Variants in SYT1 observed in about 807,000 individuals in gnomAD.
SYT1 encodes the protein synaptotagmin 1, also known as synaptotagmin-1.
SYT1 carries 8 observed loss-of-function variants against 44.8 expected under a neutral mutation model. The ratio of observed to expected loss-of-function variants is 0.18; its 90% CI spans 0.10 to 0.32. The LOEUF is 0.32. Among genes scored for constraint, SYT1 ranks in the 10% least tolerant of loss-of-function variants. The probability of loss-of-function intolerance (pLI) is 1.00; values close to 1 mark genes in which losing one functional copy is unlikely to be tolerated. For synonymous variants in SYT1, 154 were observed against 188.8 expected (o/e 0.82, Z 1.51); for missense variants, 286 against 509.3 (o/e 0.56, Z 4.22).
intron 3 of SYT1, among the ~76,000 whole-genome samples, chr12:79,143,300 G>A (rs1869676637): frequency 6.6e-6 from 1 of 152,140 alleles, no homozygotes; most frequent in Non-Finnish European, 1.5e-5. Flanking sequence ...GTCTTTTGCA[G>A]CGTTTTCATG....
chr12:79,295,193 C>G (rs971248201), intron 6 of SYT1, among the ~76,000 whole-genome samples: 1 of 152,134 alleles, frequency 6.6e-6, no homozygotes, highest in South Asian at 2.1e-4. Flanking sequence ...GGATCTAAAT[C>G]AGTCTGTTGA....
At chr12:79,166,893 C>T (rs910421478) in intron 3 of SYT1, among the ~76,000 whole-genome samples, 4 of 152,002 alleles carry the variant, frequency 2.6e-5, no homozygotes, top group African/African-American at 9.7e-5. Flanking sequence ...TTTAATTCCT[C>T]TGTGTCATAC....
chr12:78,976,079 A>G (rs1868810200), intron 1 of SYT1, among the ~76,000 whole-genome samples: 1 of 152,180 alleles, frequency 6.6e-6, no homozygotes, highest in Admixed American at 6.5e-5. Context: ...TGAGGACTGG[A>G]AGAATCTTTC....
chr12:78,926,708 T>C (rs540302521), intron 1 of SYT1: 1 of 152,186 alleles, frequency 6.6e-6, no homozygotes, highest in South Asian at 2.1e-4. Context: ...CAAGATCAAA[T>C]TGTAAAATCC....
intron 3 of SYT1, among the ~76,000 whole-genome samples, chr12:79,150,845 T>C (rs946524738): frequency 2.0e-5 from 3 of 152,168 alleles, no homozygotes; most frequent in African/African-American, 7.2e-5. Context: ...CATTTTCTTT[T>C]CAGAGAAGAA....
intron 2 of SYT1, among the ~76,000 whole-genome samples, chr12:79,044,045 T>C (rs1023105052): frequency 2.6e-5 from 4 of 152,144 alleles, no homozygotes; most frequent in Non-Finnish European, 5.9e-5. Flanking sequence ...CCTTTCTCTC[T>C]GGCTGCCCTT....
chr12:79,175,683 A>G (rs1221065090), intron 3 of SYT1, among the ~76,000 whole-genome samples: 1 of 152,046 alleles, frequency 6.6e-6, no homozygotes, highest in Non-Finnish European at 1.5e-5. Flanking sequence ...TGTGAAGCAA[A>G]GGCAGGAGTA....
At chr12:79,037,731 C>T (rs1592685768) in intron 2 of SYT1, among the ~76,000 whole-genome samples, 2 of 151,810 alleles carry the variant, frequency 1.3e-5, no homozygotes, top group East Asian at 3.9e-4. Context: ...ACTGTTCCTA[C>T]CAGCAACCCC....
intron 3 of SYT1, among the ~76,000 whole-genome samples, chr12:79,073,133 C>G (rs1044588379): frequency 2.0e-5 from 3 of 152,026 alleles, no homozygotes; most frequent in Non-Finnish European, 2.9e-5. Flanking sequence ...GACAAGGTCT[C>G]ACTCTGTTGC....
In SYT1 at chr12:78,957,599, G is replaced by T. The variant is rs1017497076; in HGVS notation, c.-216-20200G>T. Among the ~76,000 whole-genome samples the T allele has an allele frequency of 2.0e-5, 3 of 152,104 alleles. No individual in the cohort carries two copies. The East Asian group carries it at 5.8e-4, about 29-fold the overall frequency. On this transcript the variant is annotated intron_variant, in intron 1 of 10. Coordinates refer to ENST00000261205, the MANE Select transcript of SYT1 (RefSeq NM_005639.3). ...ACAGCTAGTAGGAGAGTAGAGCCAA[G>T]GTTGGATCCTGTTTCTTTTTAAAGG... is the stretch of plus-strand genomic sequence containing the variant.
intron 9 of SYT1, among the ~76,000 whole-genome samples, chr12:79,426,006 C>T (rs2136167235): frequency 6.6e-6 from 1 of 152,096 alleles, no homozygotes; most frequent in African/African-American, 2.4e-5. Context: ...GTTAACTCTC[C>T]CTCTAAAGTG....
chr12:79,251,116 AC>A (rs920789834), intron 4 of SYT1, among the ~76,000 whole-genome samples: 61 of 152,198 alleles, frequency 4.0e-4, no homozygotes, highest in African/African-American at 4.6e-4. Context: ...AAGTCTGAGT[AC>A]TACTAATACT....
At chr12:79,264,121 C>T (rs1877990235) in intron 4 of SYT1, among the ~76,000 whole-genome samples, 1 of 151,672 alleles carries the variant, frequency 6.6e-6, no homozygotes, top group African/African-American at 2.4e-5. Context: ...ATTTTCTGTA[C>T]CTTAAATTTA....
intron 9 of SYT1, among the ~76,000 whole-genome samples, chr12:79,387,556 G>T (rs1884484523): frequency 6.6e-6 from 1 of 152,130 alleles, no homozygotes. Context: ...CCCATCAAAT[G>T]AAATCACTGT....
intron 1 of SYT1, among the ~76,000 whole-genome samples, chr12:78,888,147 A>C (rs1020482392): frequency 3.9e-5 from 6 of 151,942 alleles, no homozygotes; most frequent in Non-Finnish European, 5.9e-5. Flanking sequence ...CTTTCTTAAG[A>C]AATTGATAGT....
chr12:79,161,861 G>A (rs1870968448), intron 3 of SYT1, among the ~76,000 whole-genome samples: 1 of 152,016 alleles, frequency 6.6e-6, no homozygotes, highest in African/African-American at 2.4e-5. Flanking sequence ...AAACCCAAAT[G>A]CTTACAGAAG....
chr12:79,147,117 G>C lies in SYT1; in HGVS notation c.-17-70386G>C, dbSNP rs1308779174. On this transcript the variant is annotated intron_variant, in intron 3 of 10. Coordinates refer to ENST00000261205, the MANE Select transcript of SYT1 (RefSeq NM_005639.3). Reference sequence around the variant, plus strand: ...GCCTCCCAAAGTGCTGGGATTACAGGTGTGAGCCACCGTGCCCGGCCAGCA... The same window carrying C: ...GCCTCCCAAAGTGCTGGGATTACAGCTGTGAGCCACCGTGCCCGGCCAGCA... Among the ~76,000 whole-genome samples the C allele has an allele frequency of 3.9e-5, 6 of 152,134 alleles. No homozygotes were observed. In the East Asian group the frequency reaches 1.2e-3, roughly 29 times the overall value.
chr12:79,223,833 T>G (rs1216984932), intron 4 of SYT1, among the ~76,000 whole-genome samples: 1 of 152,182 alleles, frequency 6.6e-6, no homozygotes, highest in East Asian at 1.9e-4. Context: ...GTAGTCTGCC[T>G]GGTACTGAGT....
At chr12:79,063,456 C>G (rs959861389) in intron 3 of SYT1, among the ~76,000 whole-genome samples, 1 of 152,136 alleles carries the variant, frequency 6.6e-6, no homozygotes, top group Admixed American at 6.6e-5. Context: ...CCTGCTCTCT[C>G]CTCCCAGGAT....
Sources: gnomAD v4.1 joint callset for allele counts (sites outside exome capture counted in the v4.1 genomes callset) on GRCh38, gnomAD v4.1.1 for gene constraint, MANE v1.5 for transcripts, NCBI Gene and HGNC (gene_info 2026-07-23, HGNC 2026-07-21) for gene names.